The following MIIP variants were observed in gnomAD, a reference collection of about 807,000 sequenced individuals.
The protein encoded by MIIP is migration and invasion-inhibitory protein.
Under a neutral mutation model 44.8 loss-of-function variants are expected in MIIP, and 44 were observed. The ratio of observed to expected loss-of-function variants is 0.98; its 90% CI spans 0.77 to 1.26. MIIP has a LOEUF of 1.26. Among genes scored for constraint, MIIP ranks in the 50% most tolerant of loss-of-function variants. The pLI, the probability that MIIP is intolerant of heterozygous loss-of-function variation, is 0.00. For missense variants in MIIP, 496 were observed against 511.7 expected (o/e 0.97, Z 0.30); for synonymous variants, 225 against 218.3 (o/e 1.03, Z -0.27).
intron 4 of MIIP, among the ~76,000 whole-genome samples, chr1:12,026,680 A>G (rs1640110372): frequency 6.6e-6 from 1 of 152,150 alleles, no homozygotes; most frequent in Non-Finnish European, 1.5e-5. Flanking sequence ...TGCTCCCTGC[A>G]CCAGGCACCG....
Position 12,029,768 on chromosome 1 carries a change from T to C in MIIP, c.719T>C (p.Val240Ala), listed in dbSNP as rs1444827818. ...TGGCTTCTCATGGGCCTCGCAGGCGTGTACTGTTACCGTGTCAACCGGCGC... is the reference window on the plus strand; with the variant it reads ...TGGCTTCTCATGGGCCTCGCAGGCGCGTACTGTTACCGTGTCAACCGGCGC... ...GSGVEEDHEC[V>A]YCYRVNRRLF... The change falls in exon 7 of 10, where the codon GTG becomes GCG. Residue 240 changes from valine to alanine, a missense_variant. Coordinates refer to ENST00000235332, the MANE Select transcript of MIIP (RefSeq NM_021933.4). 6.2e-7 allele frequency: 1 copy of C among 1,612,366 alleles called. No individual in the cohort carries two copies.
At chr1:12,031,489 G>T (rs1053235653) in intron 9 of MIIP, 86 bp downstream of exon 9, 7 of 1,566,022 alleles carry the variant, frequency 4.5e-6, no homozygotes, top group Middle Eastern at 1.8e-4. Context: ...AGAGCCTCCT[G>T]GGGGGTAGGA....
chr1:12,029,452 G>A (rs1054325114), intron 6 of MIIP, 171 bp downstream of exon 6: 1 of 799,822 alleles, frequency 1.3e-6, no homozygotes, highest in African/African-American at 1.7e-5. Flanking sequence ...GCCCTGGTAG[G>A]GGTGGAGTGA....
intron 4 of MIIP, among the ~76,000 whole-genome samples, chr1:12,024,714 T>C (rs955031225): frequency 3.9e-5 from 6 of 152,120 alleles, no homozygotes; most frequent in African/African-American, 1.4e-4. Context: ...CCCAGCCACA[T>C]GTAGCGTTTT....
At chr1:12,030,467 C>T (rs1230779915) in intron 8 of MIIP, among the ~76,000 whole-genome samples, 3 of 151,974 alleles carry the variant, frequency 2.0e-5, no homozygotes, top group Non-Finnish European at 4.4e-5. Flanking sequence ...TGTACCCCCA[C>T]CCTGCAGGTG....
intron 8 of MIIP, 126 bp from the exon 9 acceptor site, chr1:12,031,140 C>T (rs1640231157): frequency 1.7e-6 from 2 of 1,205,292 alleles, no homozygotes; most frequent in Non-Finnish European, 2.3e-6. Flanking sequence ...TGTGGGTAGA[C>T]ACAGGCCCTG....
chr1:12,022,480 G>A, intron 3 of MIIP, 38 bp downstream of exon 3: 2 of 1,435,784 alleles, frequency 1.4e-6, no homozygotes, highest in Non-Finnish European at 1.9e-6. Flanking sequence ...GATGGGAGGA[G>A]CTTCCTTGGG....
chr1:12,021,778 C>T lies in MIIP; in HGVS notation c.52C>T (p.Leu18=). ...AQLRLLNLEL[L]RQLWVGQDAV... ...GCTGCGGCTGCTCAATCTGGAGCTC[C>T]TGAGGCAGCTGTGGGTGGGGCAGGA... The change falls in exon 2 of 10, where the codon CTG becomes TTG. Residue 18 remains leucine, a synonymous_variant. Transcript: ENST00000235332. 6.2e-7 allele frequency: 1 copy of T among 1,613,056 alleles called. No homozygotes were observed. The highest frequency in any genetic ancestry group is 2.2e-5 in the East Asian group (1 of 44,884).
chr1:12,022,989 C>A, intron 4 of MIIP, 72 bp downstream of exon 4: 1 of 1,195,564 alleles, frequency 8.4e-7, no homozygotes, highest in Non-Finnish European at 1.2e-6. Context: ...CCTCCATGCT[C>A]CTGTCTGAGC....
chr1:12,031,606 T>A, intron 9 of MIIP, 116 bp from the exon 10 acceptor site: 1 of 1,611,620 alleles, frequency 6.2e-7, no homozygotes, highest in Admixed American at 1.7e-5. Flanking sequence ...CCGCCTGCCC[T>A]GCTCCACCCA....
At position 12,029,995 on chromosome 1, in the gene MIIP, T is replaced by C; in HGVS notation, c.846-33T>C. ...CGTGGGCCCCCAACCGCTGGGAGGCTCCTCAGGGGTCCCCCACTGCCCCCC... is the reference window on the plus strand; with the variant it reads ...CGTGGGCCCCCAACCGCTGGGAGGCCCCTCAGGGGTCCCCCACTGCCCCCC... On this transcript the variant is annotated intron_variant, in intron 7 of 9. Coordinates refer to ENST00000235332, the MANE Select transcript of MIIP (RefSeq NM_021933.4). 14 of 1,610,080 alleles carry C rather than the reference T, an allele frequency of 8.7e-6. No homozygotes were observed. In the South Asian group the frequency reaches 1.4e-4, roughly 16 times the overall value.
At chr1:12,023,438 C>G (rs1048268381) in intron 4 of MIIP, among the ~76,000 whole-genome samples, 1 of 135,990 alleles carries the variant, frequency 7.4e-6, no homozygotes, top group Admixed American at 7.5e-5. Flanking sequence ...GTCTCTCGCT[C>G]TGTCGCCCAG....
chr1:12,029,127 C>T lies in MIIP; in HGVS notation c.642C>T (p.Ile214=). Residue 214 remains isoleucine, a synonymous_variant, in exon 5 of 10, where the codon ATC becomes ATT. Coordinates refer to ENST00000235332, the MANE Select transcript of MIIP (RefSeq NM_021933.4). ...EFRETNKEEC[I]CSHPEPQLPG... Reference sequence around the variant, plus strand: ...GGGAAACCAACAAGGAGGAGTGTATCTGCAGCCATCCTGAGTGAGCAGGGG... The same window carrying T: ...GGGAAACCAACAAGGAGGAGTGTATTTGCAGCCATCCTGAGTGAGCAGGGG... The T allele has an allele frequency of 6.2e-7, 1 of 1,614,072 alleles. No homozygotes were observed. Among genetic ancestry groups the T allele is most frequent in the Non-Finnish European group, 8.5e-7 (1 of 1,179,926 alleles).
At chr1:12,030,556 CTTT>C (rs71568383) in intron 8 of MIIP, among the ~76,000 whole-genome samples, 4 of 59,070 alleles carry the variant, frequency 6.8e-5, no homozygotes, top group African/African-American at 1.4e-4. Context: ...GCTGCTGCTG[CTTT>C]TTTTTTTTTT....
intron 1 of MIIP, among the ~76,000 whole-genome samples, chr1:12,021,087 A>T (rs1639963636): frequency 6.6e-6 from 1 of 152,082 alleles, no homozygotes; most frequent in Non-Finnish European, 1.5e-5. Flanking sequence ...AAGTGCCACC[A>T]TGGCCAGCTA....
rs767205944 is a variant in MIIP, at chr1:12,031,328, C to G, written c.1005C>G (p.Asn335Lys). 1 of 1,613,998 alleles carries G rather than the reference C, an allele frequency of 6.2e-7. No homozygotes were observed. Among genetic ancestry groups the G allele is most frequent in the Non-Finnish European group, 8.5e-7 (1 of 1,179,940 alleles). Residue 335 changes from asparagine to lysine, a missense_variant, in exon 9 of 10, where the codon AAC becomes AAG. Asn to Lys is a moderately conservative substitution (Grantham distance 94, BLOSUM62 0). Transcript: ENST00000235332. ...PKSEKSSAPR[N>K]LDLWSSVSAE... ...CTGAGAAAAGCTCAGCCCCCAGGAA[C>G]CTGGACCTCTGGTCCTCTGTCTCCG...
chr1:12,029,133 C>G lies in MIIP; in HGVS notation c.648C>G (p.Ser216Arg). Residue 216 changes from serine (S) to arginine (R), a missense_variant, in exon 5 of 10, where the codon AGC becomes AGG. Ser to Arg is a moderately radical substitution (Grantham distance 110). Coordinates refer to ENST00000235332, the MANE Select transcript of MIIP (RefSeq NM_021933.4). Reference sequence around the variant, plus strand: ...CCAACAAGGAGGAGTGTATCTGCAGCCATCCTGAGTGAGCAGGGGCGGGCG... The same window carrying G: ...CCAACAAGGAGGAGTGTATCTGCAGGCATCCTGAGTGAGCAGGGGCGGGCG... ...RETNKEECIC[S>R]HPEPQLPGLR... 1 of 1,614,028 alleles carries G rather than the reference C, an allele frequency of 6.2e-7. No individual in the cohort carries two copies.
chr1:12,031,211 A>G (rs939094289), intron 8 of MIIP, 55 bp from the exon 9 acceptor site: 6 of 1,570,046 alleles, frequency 3.8e-6, no homozygotes, highest in Non-Finnish European at 4.3e-6. Context: ...GGGTGTGCCC[A>G]GTCAGCGGGG....
Position 12,030,109 on chromosome 1 carries a change from A to G in MIIP, c.927A>G (p.Thr309=), listed in dbSNP as rs1290451816. The change falls in exon 8 of 10, where the codon ACA becomes ACG. Residue 309 remains threonine, a synonymous_variant. Coordinates refer to ENST00000235332, the MANE Select transcript of MIIP (RefSeq NM_021933.4). Reference sequence around the variant, plus strand: ...GAAAGAGCTTTGACGCCTCTGACACACTGGCCCTGCCCCGGGTGAGCAGCC... The same window carrying G: ...GAAAGAGCTTTGACGCCTCTGACACGCTGGCCCTGCCCCGGGTGAGCAGCC... ...HRRKSFDASD[T]LALPRHCLLG... 4 of 1,612,772 alleles carry G rather than the reference A, an allele frequency of 2.5e-6. No individual in the cohort carries two copies. Among genetic ancestry groups the G allele is most frequent in the Non-Finnish European group, 1.7e-6 (2 of 1,179,918 alleles).
Sources: allele counts gnomAD v4.1 joint callset (sites outside exome capture counted in the v4.1 genomes callset), GRCh38; gene constraint gnomAD v4.1.1; transcripts MANE v1.5; gene names NCBI Gene and HGNC (gene_info 2026-07-23, HGNC 2026-07-21).